Variants in PRDM16 observed in about 807,000 individuals in gnomAD.
The protein encoded by PRDM16 is PR/SET domain 16, also known as histone-lysine N-methyltransferase PRDM16.
A neutral mutation model predicts 110.6 loss-of-function variants in PRDM16; 23 were observed. The observed-to-expected ratio is 0.21, with a 90% CI of 0.15 to 0.29. PRDM16 has a LOEUF of 0.29. Among genes scored for constraint, PRDM16 ranks in the 10% least tolerant of loss-of-function variants. PRDM16 has a pLI of 1.00. For synonymous variants in PRDM16, 799 were observed against 781.8 expected, an observed-to-expected ratio of 1.02 and a Z score of -0.37; for missense variants, 1,615 against 1,794.3, an observed-to-expected ratio of 0.90 and a Z score of 1.81.
At chr1:3,156,508 G>A (rs1474589019) in intron 1 of PRDM16, among the ~76,000 whole-genome samples, 3 of 152,144 alleles carry the variant, frequency 2.0e-5, no homozygotes, top group Admixed American at 2.0e-4. Flanking sequence ...AGGACAAAAT[G>A]GTTTTCTAGT....
At chr1:3,304,104 G>A (rs1454280524) in intron 3 of PRDM16, among the ~76,000 whole-genome samples, 1 of 146,476 alleles carries the variant, frequency 6.8e-6, no homozygotes, top group Non-Finnish European at 1.5e-5. Context: ...AGTGACACAG[G>A]ACCCCAGCCA....
chr1:3,085,906 C>T (rs755842656), intron 1 of PRDM16, among the ~76,000 whole-genome samples: 10 of 152,230 alleles, frequency 6.6e-5, no homozygotes, highest in Non-Finnish European at 4.4e-5. Context: ...TCCAGCAGGG[C>T]GCCCAGCCCT....
intron 3 of PRDM16, among the ~76,000 whole-genome samples, chr1:3,349,155 C>T (rs568216554): frequency 9.2e-5 from 14 of 152,354 alleles, no homozygotes; most frequent in East Asian, 7.7e-4. Context: ...ACCACAGCCT[C>T]GCCCTGCCCC....
At chr1:3,348,475 C>G (rs1322075871) in intron 3 of PRDM16, among the ~76,000 whole-genome samples, 1 of 152,208 alleles carries the variant, frequency 6.6e-6, no homozygotes, top group East Asian at 1.9e-4. Flanking sequence ...GGACAAAGAG[C>G]TGTCTTCATT....
chr1:3,279,796 G>A (rs1277213197), intron 3 of PRDM16, among the ~76,000 whole-genome samples: 3 of 152,106 alleles, frequency 2.0e-5, no homozygotes, highest in East Asian at 1.9e-4. Flanking sequence ...AGCCTGCGGG[G>A]GGGTGGGGAC....
intron 1 of PRDM16, among the ~76,000 whole-genome samples, chr1:3,185,745 C>T (rs561189570): frequency 3.3e-5 from 5 of 152,348 alleles, no homozygotes; most frequent in South Asian, 4.1e-4. Context: ...ACGGCTTCAC[C>T]GGCTGTCCCC....
In PRDM16 at chr1:3,143,959, C is replaced by A. The variant is rs1490558645; in HGVS notation, c.38-42166C>A. Among the ~76,000 whole-genome samples the A allele has an allele frequency of 1.3e-5, 2 of 152,170 alleles. No homozygotes were observed. The highest frequency in any genetic ancestry group is 2.9e-5 in the Non-Finnish European group (2 of 68,028). On this transcript the variant is annotated intron_variant, in intron 1 of 16. Transcript: ENST00000270722. This position sits in a 1 kb window ranked among gnomAD's most constrained non-coding sequence, Gnocchi z 4.5. The stretch of plus-strand genomic sequence containing the variant: ...GAAGGCTCCACAAGCACTTTTGAGG[C>A]CAGGGGGAAGATGCTAAGGGGTCCT...
At chr1:3,399,817 T>C (rs764018894) in intron 5 of PRDM16, among the ~76,000 whole-genome samples, 3 of 152,244 alleles carry the variant, frequency 2.0e-5, no homozygotes, top group South Asian at 2.1e-4. Context: ...TTGTTCTTCA[T>C]TGGGTCCAGA....
rs548177011 is a variant in PRDM16, at chr1:3,276,062, T to C, written c.438+31925T>C. Among the ~76,000 whole-genome samples, 704 of 152,298 alleles carry C rather than the reference T, an allele frequency of 4.6e-3. 2 individuals carry two copies. Among genetic ancestry groups the C allele is most frequent in the African/African-American group, 0.015 (614 of 41,574 alleles). On this transcript the variant is annotated intron_variant, in intron 3 of 16. Transcript: ENST00000270722. ...CCGGCTTTGGTCTCCGGACACCACG[T>C]CGTGTTGACAATTACCCACAGCCAG...
chr1:3,130,713 C>T (rs1643315604), intron 1 of PRDM16, among the ~76,000 whole-genome samples: 1 of 151,790 alleles, frequency 6.6e-6, no homozygotes, highest in South Asian at 2.1e-4. Flanking sequence ...AGACGGATGT[C>T]ACCTCCATTC....
chr1:3,272,750 G>A (rs1271853884), intron 3 of PRDM16, among the ~76,000 whole-genome samples: 1 of 152,212 alleles, frequency 6.6e-6, no homozygotes, highest in Non-Finnish European at 1.5e-5. Context: ...TGGGGTTGGG[G>A]GCCAGCCTTC....
intron 4 of PRDM16, among the ~76,000 whole-genome samples, chr1:3,389,955 C>G (rs1485092498): frequency 7.9e-6 from 1 of 126,024 alleles, no homozygotes; most frequent in Non-Finnish European, 1.8e-5. Flanking sequence ...GTGCGCCCCC[C>G]CCCCCCCCCC....
intron 2 of PRDM16, among the ~76,000 whole-genome samples, chr1:3,225,547 TGTG>T (rs1201658253): frequency 6.7e-6 from 1 of 148,220 alleles, no homozygotes; most frequent in Non-Finnish European, 1.5e-5. Context: ...TGTGTGTGTG[TGTG>T]TGTGTGTGTG....
In PRDM16 at chr1:3,243,049, G is replaced by A. The variant is rs947305816; in HGVS notation, c.388-1038G>A. Among the ~76,000 whole-genome samples, 22 of 152,184 alleles carry A rather than the reference G, an allele frequency of 1.4e-4. No individual in the cohort carries two copies. The highest frequency in any genetic ancestry group is 5.8e-4 in the East Asian group (3 of 5,180). ...TGGTGGCTTTTAAGAGGAGACACCC[G>A]GCGAAATGCTCTCCAGAGCCAAAGA... On this transcript the variant is annotated intron_variant, in intron 2 of 16. Coordinates refer to ENST00000270722, the MANE Select transcript of PRDM16 (RefSeq NM_022114.4). The surrounding 1 kb of genome is among the most constrained non-coding windows in gnomAD (Gnocchi z 5.5).
At chr1:3,266,906 G>A (rs1163436766) in intron 3 of PRDM16, among the ~76,000 whole-genome samples, 2 of 152,142 alleles carry the variant, frequency 1.3e-5, no homozygotes, top group Non-Finnish European at 2.9e-5. Flanking sequence ...TCGAACTCCT[G>A]ACCTCAGGTG....
chr1:3,190,073 A>C lies in PRDM16; in HGVS notation c.387+3599A>C, dbSNP rs925948776. On this transcript the variant is annotated intron_variant, in intron 2 of 16. Coordinates refer to ENST00000270722, the MANE Select transcript of PRDM16 (RefSeq NM_022114.4). This position sits in a 1 kb window ranked among gnomAD's most constrained non-coding sequence, Gnocchi z 5.0. ...GGTCAGGGGCTCTTCTCTCCCTGAC[A>C]TGGGGCCGATGTAGATGACAGCATG... Among the ~76,000 whole-genome samples the C allele has an allele frequency of 1.2e-4, 19 of 152,014 alleles. No individual in the cohort carries two copies. Among genetic ancestry groups the C allele is most frequent in the Non-Finnish European group, 4.4e-5 (3 of 68,000 alleles).
chr1:3,408,266 G>A (rs1409940911), intron 8 of PRDM16, among the ~76,000 whole-genome samples: 1 of 152,244 alleles, frequency 6.6e-6, no homozygotes, highest in Non-Finnish European at 1.5e-5. Context: ...GACGGAGGGG[G>A]TGTCATTCCT....
At position 3,412,191 on chromosome 1, in the gene PRDM16, T is replaced by A; in HGVS notation, c.1994T>A (p.Val665Glu). 6.3e-7 allele frequency: 1 copy of A among 1,594,162 alleles called. No homozygotes were observed. The highest frequency in any genetic ancestry group is 1.7e-5 in the Admixed American group (1 of 59,228). The change falls in exon 9 of 17, where the codon GTG becomes GAG. Residue 665 changes from valine (V) to glutamate (E), a missense_variant. Val to Glu is a moderately radical substitution (Grantham distance 121). This residue lies in a region of PRDM16 where 772 missense variants were observed against 748.3 expected (regional missense o/e 1.03). Transcript: ENST00000270722. ...GGGGCCCCGAACAGCGTGGCCGAGGTGCCTGTCTTCTATTCCCAGCACTCA... is the reference window on the plus strand; with the variant it reads ...GGGGCCCCGAACAGCGTGGCCGAGGAGCCTGTCTTCTATTCCCAGCACTCA... ...PPGAPNSVAE[V>E]PVFYSQHSFF...
chr1:3,184,715 C>T (rs1004784211), intron 1 of PRDM16, among the ~76,000 whole-genome samples: 5 of 152,158 alleles, frequency 3.3e-5, no homozygotes, highest in Non-Finnish European at 7.3e-5. Flanking sequence ...CTCTCGCTGT[C>T]ACCCCCACCC....
Sources: gnomAD v4.1 joint callset for allele counts (sites outside exome capture counted in the v4.1 genomes callset) on GRCh38, gnomAD v4.1.1 for gene constraint, gnomAD v4.1.1 regional missense constraint, Gnocchi (gnomAD v3.1) non-coding constraint, MANE v1.5 for transcripts, NCBI Gene and HGNC (gene_info 2026-07-23, HGNC 2026-07-21) for gene names.